The following LRP12 variants were observed in gnomAD, a reference collection of about 807,000 sequenced individuals.
LRP12 encodes LDL receptor related protein 12.
Under a neutral mutation model 66.0 loss-of-function variants are expected in LRP12, and 14 were observed. The observed-to-expected ratio is 0.21, with a 90% CI of 0.14 to 0.33. The LOEUF (loss-of-function observed/expected upper bound fraction) is 0.33. Among genes scored for constraint, LRP12 ranks in the 10% least tolerant of loss-of-function variants. The pLI, the probability that LRP12 is intolerant of heterozygous loss-of-function variation, is 1.00. For synonymous variants in LRP12, 357 were observed against 359.1 expected, an observed-to-expected ratio of 0.99 and a Z score of 0.07; for missense variants, 889 against 1,053.4, an observed-to-expected ratio of 0.84 and a Z score of 2.16.
At chr8:104,544,663 ACATTGTAAACATCTGTTTACAG>A (rs1455516630) in intron 1 of LRP12, among the ~76,000 whole-genome samples, 4 of 152,208 alleles carry the variant, frequency 2.6e-5, no homozygotes, top group Non-Finnish European at 5.9e-5. Flanking sequence ...GGGTGACAGC[ACATTGTAAACATCTGTTTACAG>A]CATTGTTTAC....
chr8:104,508,860 G>T, intron 3 of LRP12, 79 bp downstream of exon 3: 1 of 1,261,272 alleles, frequency 7.9e-7, no homozygotes, highest in Non-Finnish European at 1.1e-6. Flanking sequence ...TTATATTACT[G>T]CATGTTAAGT....
chr8:104,527,802 T>C (rs1811263573), intron 2 of LRP12, among the ~76,000 whole-genome samples: 1 of 151,750 alleles, frequency 6.6e-6, no homozygotes, highest in African/African-American at 2.4e-5. Context: ...CTGCACATTG[T>C]GCACATGTAC....
At chr8:104,503,318 CTGTG>C (rs1810856636) in intron 3 of LRP12, among the ~76,000 whole-genome samples, 1 of 96,584 alleles carries the variant, frequency 1.0e-5, no homozygotes, top group Admixed American at 1.7e-4. Context: ...CAAAGCGAGA[CTGTG>C]TCTCTCAAAA....
At chr8:104,520,057 A>AT (rs1811124358) in intron 2 of LRP12, among the ~76,000 whole-genome samples, 1 of 151,008 alleles carries the variant, frequency 6.6e-6, no homozygotes, top group South Asian at 2.1e-4. Context: ...AGAAGGAGAA[A>AT]TAAAAAAAAA....
Position 104,491,132 on chromosome 8 carries a change from A to G in LRP12, c.2121T>C (p.Asn707=), listed in dbSNP as rs1158607200. 1 of 1,613,980 alleles carries G rather than the reference A, an allele frequency of 6.2e-7. No homozygotes were observed. Among genetic ancestry groups the G allele is most frequent in the South Asian group, 1.1e-5 (1 of 91,070 alleles). ...TQSTRGGHAD[N]GRDVTSVEPP... is the part of the protein sequence containing the mutation. The stretch of plus-strand genomic sequence containing the variant: ...GTTCCACACTTGTCACATCCCTTCC[A>G]TTATCTGCATGACCACCTCGGGTAC... The change falls in exon 7 of 7, where the codon AAT becomes AAC. Residue 707 remains asparagine, a synonymous_variant. Transcript: ENST00000276654.
chr8:104,523,267 G>T (rs1406378090), intron 2 of LRP12, among the ~76,000 whole-genome samples: 1 of 151,928 alleles, frequency 6.6e-6, no homozygotes, highest in Non-Finnish European at 1.5e-5. Context: ...AAAAAATTAG[G>T]TATATCATGA....
intron 1 of LRP12, among the ~76,000 whole-genome samples, chr8:104,548,362 TATATAAATATATTATATA>T (rs1811659838): frequency 1.9e-5 from 1 of 52,280 alleles, no homozygotes; most frequent in Admixed American, 2.9e-4. Context: ...TAATATATAT[TATATAAATATATTATATA>T]AATATATAAT....
At chr8:104,515,255 A>G (rs1304849328) in intron 2 of LRP12, among the ~76,000 whole-genome samples, 1 of 152,106 alleles carries the variant, frequency 6.6e-6, no homozygotes, top group Non-Finnish European at 1.5e-5. Context: ...TACCTTTTCT[A>G]TTGCTTAAAC....
At chr8:104,569,978 A>G (rs1184443963) in intron 1 of LRP12, among the ~76,000 whole-genome samples, 1 of 152,208 alleles carries the variant, frequency 6.6e-6, no homozygotes. Flanking sequence ...CACAAAAATC[A>G]ATCACATTTC....
chr8:104,588,964 A>ACGCCAACGC lies in LRP12; in HGVS notation c.-68_-67insGCGTTGGCG. Reference sequence around the variant, plus strand: ...AGGGAGGAGAAGCTGGAGGTAGACGACGCCGACGCCGCCGCCGCCGCCGCC... The same window carrying ACGCCAACGC: ...AGGGAGGAGAAGCTGGAGGTAGACGACGCCAACGCCGCCGACGCCGCCGCCGCCGCCGCC... On this transcript the variant is annotated 5_prime_UTR_variant, in exon 1 of 7. Coordinates refer to ENST00000276654, the MANE Select transcript of LRP12 (RefSeq NM_013437.5). 1.1e-6 allele frequency: 1 copy of ACGCCAACGC among 905,714 alleles called. No individual in the cohort carries two copies. The highest frequency in any genetic ancestry group is 1.6e-6 in the Non-Finnish European group (1 of 637,494). 56.1% of individuals were successfully genotyped at this position (905,714 alleles called of 1,614,324 possible).
intron 5 of LRP12, chr8:104,495,442 G>C (rs1254881776): frequency 2.5e-6 from 1 of 392,842 alleles, no homozygotes; most frequent in Non-Finnish European, 4.5e-6. Flanking sequence ...CTAGATCACT[G>C]AGTTTTAATA....
chr8:104,560,067 T>C (rs1172290186), intron 1 of LRP12, among the ~76,000 whole-genome samples: 7 of 152,140 alleles, frequency 4.6e-5, no homozygotes, highest in Non-Finnish European at 1.0e-4. Flanking sequence ...GTCTGTCTTA[T>C]TATAAAGATC....
intron 1 of LRP12, among the ~76,000 whole-genome samples, chr8:104,576,075 A>G (rs907209416): frequency 1.3e-5 from 2 of 152,216 alleles, no homozygotes; most frequent in Non-Finnish European, 1.5e-5. Flanking sequence ...AACAGAAAAA[A>G]GAATGAATAG....
chr8:104,526,123 A>G (rs1403658069), intron 2 of LRP12, among the ~76,000 whole-genome samples: 1 of 152,108 alleles, frequency 6.6e-6, no homozygotes, highest in East Asian at 1.9e-4. Flanking sequence ...CCAACTTACA[A>G]GGGACGTGAA....
intron 1 of LRP12, among the ~76,000 whole-genome samples, chr8:104,546,810 C>T (rs1158743182): frequency 6.6e-6 from 1 of 150,514 alleles, no homozygotes; most frequent in Non-Finnish European, 1.5e-5. Flanking sequence ...CCAGTGCCCA[C>T]TACCTTCCCC....
At chr8:104,513,013 C>G (rs1811019749) in intron 2 of LRP12, among the ~76,000 whole-genome samples, 1 of 152,084 alleles carries the variant, frequency 6.6e-6, no homozygotes, top group African/African-American at 2.4e-5. Flanking sequence ...ATGCACATTT[C>G]CAACATGACT....
chr8:104,522,974 G>C (rs908605001), intron 2 of LRP12, among the ~76,000 whole-genome samples: 1 of 152,066 alleles, frequency 6.6e-6, no homozygotes, highest in African/African-American at 2.4e-5. Context: ...GTGTAAATTA[G>C]TACATCCTTT....
intron 1 of LRP12, among the ~76,000 whole-genome samples, chr8:104,580,358 T>TAAAAA (rs774764260): frequency 7.6e-5 from 7 of 92,196 alleles, no homozygotes; most frequent in Non-Finnish European, 1.1e-4. Context: ...CTACTAAAAA[T>TAAAAA]AAAAAAAAAA....
rs202173287 is a variant in LRP12, at chr8:104,498,104, G to A, written c.476-28C>T. ...GTGAAGATGTGAGTAGAAATAGATGGAAAGAGAAGGAGAAAAATTATAATC... is the reference window on the plus strand; with the variant it reads ...GTGAAGATGTGAGTAGAAATAGATGAAAAGAGAAGGAGAAAAATTATAATC... On this transcript the variant is annotated intron_variant, in intron 4 of 6. Coordinates refer to ENST00000276654, the MANE Select transcript of LRP12 (RefSeq NM_013437.5). 5.9e-5 allele frequency: 89 copies of A among 1,520,114 alleles called. No individual in the cohort carries two copies. The African/African-American group carries it at 1.0e-3, about 18-fold the overall frequency. The allele number at this position is 1,520,114 out of a possible 1,614,324, so 94.2% of individuals were successfully genotyped here.
Sources: gnomAD v4.1 joint callset for allele counts (sites outside exome capture counted in the v4.1 genomes callset) on GRCh38, gnomAD v4.1.1 for gene constraint, MANE v1.5 for transcripts, NCBI Gene and HGNC (gene_info 2026-07-23, HGNC 2026-07-21) for gene names.